CADPS: variants seen among roughly 807,000 people sequenced by gnomAD.
CADPS encodes the protein calcium dependent secretion activator, also known as calcium-dependent secretion activator 1.
CADPS carries 57 observed loss-of-function variants against 167.3 expected under a neutral mutation model. That is an observed-to-expected ratio of 0.34 (90% CI 0.28 to 0.42). The LOEUF (loss-of-function observed/expected upper bound fraction) is 0.42. CADPS is among the 20% of genes least tolerant of loss of function. The pLI, the probability that CADPS is intolerant of heterozygous loss-of-function variation, is 1.00. For missense variants in CADPS, 1,414 were observed against 1,738.1 expected (o/e 0.81, Z 3.32); for synonymous variants, 676 against 635.3 (o/e 1.06, Z -0.96).
chr3:62,852,825 C>G (rs1403417141), intron 1 of CADPS, among the ~76,000 whole-genome samples: 1 of 152,192 alleles, frequency 6.6e-6, no homozygotes, highest in Non-Finnish European at 1.5e-5. Flanking sequence ...TCCCTCAACA[C>G]TTCATATCTG....
intron 6 of CADPS, among the ~76,000 whole-genome samples, chr3:62,610,003 C>T (rs1038778878): frequency 1.3e-5 from 2 of 151,888 alleles, no homozygotes; most frequent in African/African-American, 2.4e-5. Flanking sequence ...GTGGGAGAAT[C>T]GCTTGAGCCC....
intron 3 of CADPS, among the ~76,000 whole-genome samples, chr3:62,682,433 C>T (rs2077289860): frequency 6.6e-6 from 1 of 152,052 alleles, no homozygotes; most frequent in Admixed American, 6.6e-5. Flanking sequence ...CTTGTGTACA[C>T]CTTCTGCAAG....
intron 6 of CADPS, among the ~76,000 whole-genome samples, chr3:62,607,990 A>G (rs991715002): frequency 2.0e-5 from 3 of 152,216 alleles, no homozygotes; most frequent in East Asian, 1.9e-4. Flanking sequence ...GGCCAAGTGC[A>G]TGACATAGGC....
chr3:62,464,880 A>G (rs572588592), intron 26 of CADPS, among the ~76,000 whole-genome samples: 1 of 152,294 alleles, frequency 6.6e-6, no homozygotes, highest in African/African-American at 2.4e-5. Context: ...CCCCAGAAAT[A>G]CAGAATTTTC....
chr3:62,659,670 A>G (rs1378479952), intron 4 of CADPS, among the ~76,000 whole-genome samples: 2 of 152,222 alleles, frequency 1.3e-5, no homozygotes, highest in Non-Finnish European at 2.9e-5. Context: ...CACAGGCCCT[A>G]CGAAGGAATT....
intron 8 of CADPS, among the ~76,000 whole-genome samples, chr3:62,573,017 G>A (rs946938649): frequency 1.3e-5 from 2 of 152,088 alleles, no homozygotes; most frequent in Non-Finnish European, 2.9e-5. Context: ...GAGTAGCTAG[G>A]ATTACAGATG....
At chr3:62,742,714 G>A (rs74718886) in intron 3 of CADPS, among the ~76,000 whole-genome samples, 23,337 of 152,012 alleles carry the variant, frequency 0.15, 2,356 homozygotes, top group African/African-American at 0.3. Flanking sequence ...ACATAGGCAC[G>A]GCAAAGATTT....
intron 24 of CADPS, among the ~76,000 whole-genome samples, chr3:62,468,185 G>T (rs1042273349): frequency 6.6e-6 from 1 of 152,100 alleles, no homozygotes; most frequent in South Asian, 2.1e-4. Context: ...CAGAGCAAAA[G>T]AATTCAGGAA....
At chr3:62,790,535 T>C (rs1018241877) in intron 1 of CADPS, among the ~76,000 whole-genome samples, 2 of 152,104 alleles carry the variant, frequency 1.3e-5, no homozygotes, top group African/African-American at 4.8e-5. Flanking sequence ...TAGAGGCAAA[T>C]AGTACAGTGG....
In CADPS at chr3:62,515,634, C is replaced by T. The variant is rs542179072; in HGVS notation, c.2581+425G>A. 1.5e-3 allele frequency among the ~76,000 whole-genome samples: 221 copies of T among 152,142 alleles called. 2 individuals are homozygous for T. The highest frequency in any genetic ancestry group is 5.4e-4 in the Non-Finnish European group (37 of 67,974). ...GGGCAAGAAAGAGCAAAACCTTGAT[C>T]TTGCTCTTTTCAGTTCTTGTATTGC... On this transcript the variant is annotated intron_variant, in intron 16 of 29. Coordinates refer to ENST00000383710, the MANE Select transcript of CADPS (RefSeq NM_003716.4).
At chr3:62,603,509 T>C (rs1353561911) in intron 6 of CADPS, among the ~76,000 whole-genome samples, 5 of 152,208 alleles carry the variant, frequency 3.3e-5, no homozygotes, top group Non-Finnish European at 7.3e-5. Flanking sequence ...TATGCACATA[T>C]AGAAGACCTG....
At chr3:62,684,337 TG>T (rs1345939039) in intron 3 of CADPS, among the ~76,000 whole-genome samples, 2 of 152,016 alleles carry the variant, frequency 1.3e-5, no homozygotes, top group African/African-American at 2.4e-5. Context: ...GTCCATCATT[TG>T]GGGGGATTTT....
chr3:62,451,590 C>T lies in CADPS; in HGVS notation c.3637-5793G>A, dbSNP rs186573203. On this transcript the variant is annotated intron_variant, in intron 26 of 29. Coordinates refer to ENST00000383710, the MANE Select transcript of CADPS (RefSeq NM_003716.4). ...ACCACCGCATTAGTGACTGCCCGAGCGCCCCATGATCTCTCACAAAAAAAA... is the reference window on the plus strand; with the variant it reads ...ACCACCGCATTAGTGACTGCCCGAGTGCCCCATGATCTCTCACAAAAAAAA... Among the ~76,000 whole-genome samples the T allele has an allele frequency of 1.7e-4, 26 of 151,702 alleles. No homozygotes were observed. In the East Asian group the frequency reaches 1.9e-3, roughly 11 times the overall value.
intron 1 of CADPS, among the ~76,000 whole-genome samples, chr3:62,820,999 C>T (rs577339890): frequency 1.7e-4 from 26 of 152,128 alleles, no homozygotes; most frequent in African/African-American, 5.3e-4. Flanking sequence ...TGGGGTTTCA[C>T]CATGTTGGCC....
chr3:62,553,710 A>C (rs557669324), intron 10 of CADPS, among the ~76,000 whole-genome samples: 1 of 152,352 alleles, frequency 6.6e-6, no homozygotes, highest in Admixed American at 6.5e-5. Flanking sequence ...GAGGCTGAGG[A>C]CACACCAAGG....
intron 26 of CADPS, 125 bp from the exon 27 acceptor site, chr3:62,445,922 G>A (rs1560483462): frequency 3.5e-6 from 2 of 570,420 alleles, no homozygotes; most frequent in Non-Finnish European, 5.7e-6. Context: ...AGGAAAAACA[G>A]AAAGGTACTA....
chr3:62,756,530 T>C (rs2083959846), intron 2 of CADPS, among the ~76,000 whole-genome samples: 1 of 152,142 alleles, frequency 6.6e-6, no homozygotes, highest in African/African-American at 2.4e-5. Flanking sequence ...AATACAACGG[T>C]GAGGAAGACA....
chr3:62,830,549 G>A (rs2074895944), intron 1 of CADPS, among the ~76,000 whole-genome samples: 1 of 152,090 alleles, frequency 6.6e-6, no homozygotes, highest in Non-Finnish European at 1.5e-5. Context: ...CAAGTTGAGG[G>A]GATAATGGCT....
At chr3:62,434,190 T>C (rs1348847419) in intron 28 of CADPS, among the ~76,000 whole-genome samples, 1 of 152,232 alleles carries the variant, frequency 6.6e-6, no homozygotes, top group Non-Finnish European at 1.5e-5. Flanking sequence ...TCTCAGTTTG[T>C]TTTGTTTCAA....
Sources: gnomAD v4.1 joint callset for allele counts (sites outside exome capture counted in the v4.1 genomes callset) on GRCh38, gnomAD v4.1.1 for gene constraint, MANE v1.5 for transcripts, NCBI Gene and HGNC (gene_info 2026-07-23, HGNC 2026-07-21) for gene names.